DHRSX: variants seen among roughly 807,000 people sequenced by gnomAD.
DHRSX encodes the protein polyprenol dehydrogenase.
In DHRSX, 31 loss-of-function variants were observed where a neutral mutation model predicts 34.0. The ratio of observed to expected loss-of-function variants is 0.91; its 90% confidence interval spans 0.69 to 1.23. DHRSX has a LOEUF of 1.23. Among genes scored for constraint, DHRSX ranks in the 50% most tolerant of loss-of-function variants. The pLI, the probability that DHRSX is intolerant of heterozygous loss-of-function variation, is 0.00. For synonymous variants in DHRSX, 201 were observed against 183.8 expected (o/e 1.09, Z -0.76); for missense variants, 414 against 428.1 (o/e 0.97, Z 0.29).
At chrX:2,233,698 A>C (rs1216850922) in intron 6 of DHRSX, among the ~76,000 whole-genome samples, 1 of 152,144 alleles carries the variant, frequency 6.6e-6, no homozygotes, top group Non-Finnish European at 1.5e-5. Context: ...GAATTTCAGA[A>C]ATAACCCCTG....
chrX:2,362,698 G>A (rs2042947626), intron 3 of DHRSX, among the ~76,000 whole-genome samples: 1 of 152,062 alleles, frequency 6.6e-6, no homozygotes, highest in African/African-American at 2.4e-5. Context: ...CCCATTTCTG[G>A]GTGTCTAATC....
intron 1 of DHRSX, among the ~76,000 whole-genome samples, chrX:2,436,970 A>C (rs2043999531): frequency 6.6e-6 from 1 of 151,918 alleles, no homozygotes; most frequent in Non-Finnish European, 1.5e-5. Flanking sequence ...CCTGAACTTT[A>C]CTTTCATGTT....
intron 6 of DHRSX, among the ~76,000 whole-genome samples, chrX:2,228,669 G>T (rs1443044175): frequency 6.6e-6 from 1 of 151,854 alleles, no homozygotes; most frequent in Admixed American, 6.6e-5. Flanking sequence ...TGATTTCTAA[G>T]ATAAGGCAGA....
chrX:2,475,242 TA>T (rs34793423), intron 1 of DHRSX, among the ~76,000 whole-genome samples: 26,475 of 142,298 alleles, frequency 0.19, 3,661 homozygotes, highest in African/African-American at 0.37. Context: ...CCCCTAGGCA[TA>T]ATGACCAAGG....
chrX:2,434,260 AG>A (rs1265773211), intron 1 of DHRSX, among the ~76,000 whole-genome samples: 1 of 152,240 alleles, frequency 6.6e-6, no homozygotes, highest in Non-Finnish European at 1.5e-5. Flanking sequence ...GTTAAAAAGT[AG>A]GGTTGTTATC....
chrX:2,265,956 G>A (rs2041458420), intron 5 of DHRSX, among the ~76,000 whole-genome samples: 1 of 141,318 alleles, frequency 7.1e-6, no homozygotes, highest in Non-Finnish European at 1.5e-5. Context: ...CAGAGCACCA[G>A]TGTACAGCAG....
intron 2 of DHRSX, among the ~76,000 whole-genome samples, chrX:2,422,375 G>T (rs1475566026): frequency 6.6e-5 from 10 of 152,148 alleles, no homozygotes; most frequent in South Asian, 2.1e-4. Context: ...CGATGCTCCC[G>T]CCTCAGCCTC....
chrX:2,294,621 C>T (rs1247711516), intron 3 of DHRSX, among the ~76,000 whole-genome samples: 3 of 149,710 alleles, frequency 2.0e-5, no homozygotes, highest in Non-Finnish European at 3.0e-5. Flanking sequence ...GCCGAGGTCG[C>T]GCCACTGCAC....
chrX:2,425,866 C>T (rs2043839596), intron 1 of DHRSX, among the ~76,000 whole-genome samples: 1 of 152,102 alleles, frequency 6.6e-6, no homozygotes, highest in African/African-American at 2.4e-5. Flanking sequence ...GAGACCAGAG[C>T]TCTCACTGTG....
chrX:2,497,678 A>G (rs925542912), intron 1 of DHRSX, among the ~76,000 whole-genome samples: 7 of 152,202 alleles, frequency 4.6e-5, no homozygotes, highest in Non-Finnish European at 7.3e-5. Context: ...AACTTTTAAG[A>G]AAAATTCTGT....
chrX:2,445,514 A>G (rs774907245), intron 1 of DHRSX, among the ~76,000 whole-genome samples: 1 of 152,120 alleles, frequency 6.6e-6, no homozygotes, highest in South Asian at 2.1e-4. Flanking sequence ...TCCTCCCCCA[A>G]ATTCCTGCGT....
intron 3 of DHRSX, among the ~76,000 whole-genome samples, chrX:2,344,801 C>G (rs1387443426): frequency 6.7e-6 from 1 of 148,466 alleles, no homozygotes; most frequent in Non-Finnish European, 1.5e-5. Flanking sequence ...CACCATGGCA[C>G]ATGTATACCT....
chrX:2,336,063 A>G, intron 3 of DHRSX, among the ~76,000 whole-genome samples: 1 of 151,774 alleles, frequency 6.6e-6, no homozygotes, highest in East Asian at 1.9e-4. Context: ...CAGGGAGTGC[A>G]GTGGCGTGAT....
chrX:2,475,710 C>T (rs762234527), intron 1 of DHRSX, among the ~76,000 whole-genome samples: 1 of 152,298 alleles, frequency 6.6e-6, no homozygotes, highest in South Asian at 2.1e-4. Flanking sequence ...CCGCCATGTA[C>T]ACACTGAAGA....
At chrX:2,263,552 T>C (rs1426918165) in intron 5 of DHRSX, among the ~76,000 whole-genome samples, 4 of 150,866 alleles carry the variant, frequency 2.7e-5, no homozygotes, top group African/African-American at 7.3e-5. Context: ...TTGCTGTTGT[T>C]ACTCCGGCTG....
chrX:2,234,448 A>G (rs1433497105), intron 6 of DHRSX, among the ~76,000 whole-genome samples: 1 of 150,624 alleles, frequency 6.6e-6, no homozygotes. Flanking sequence ...ACACACACAC[A>G]TTCAGTACCT....
chrX:2,489,774 G>A (rs754148374), intron 1 of DHRSX: 23 of 1,613,248 alleles, frequency 1.4e-5, no homozygotes, highest in Middle Eastern at 1.8e-4. Context: ...ACCAGTTTGC[G>A]GCAGCGCGAC....
chrX:2,368,444 G>A (rs1211883052), intron 3 of DHRSX, among the ~76,000 whole-genome samples: 1 of 152,144 alleles, frequency 6.6e-6, no homozygotes, highest in Non-Finnish European at 1.5e-5. Context: ...TCAAATGTGT[G>A]AAATGTTTTA....
At chrX:2,371,883 C>A (rs1484412147) in intron 3 of DHRSX, among the ~76,000 whole-genome samples, 1 of 152,138 alleles carries the variant, frequency 6.6e-6, no homozygotes, top group African/African-American at 2.4e-5. Context: ...GAAAGGTGTA[C>A]CTCACTGCTG....
Sources: allele counts gnomAD v4.1 joint callset (sites outside exome capture counted in the v4.1 genomes callset), GRCh38; gene constraint gnomAD v4.1.1; transcripts MANE v1.5; gene names NCBI Gene and HGNC (gene_info 2026-07-23, HGNC 2026-07-21).